CYP2D6: variants seen among roughly 807,000 people sequenced by gnomAD.
The protein encoded by CYP2D6 is cytochrome P450 family 2 subfamily D member 6 (gene/pseudogene), also known as cytochrome P450 2D6.
CYP2D6 carries 51 observed loss-of-function variants against 43.5 expected under a neutral mutation model. The ratio of observed to expected loss-of-function variants is 1.17; its 90% CI spans 0.94 to 1.48. The LOEUF is 1.48. CYP2D6 is among the 40% of genes most tolerant of loss of function. The pLI, the probability that CYP2D6 is intolerant of heterozygous loss-of-function variation, is 0.00. For missense variants in CYP2D6, 698 were observed against 688.0 expected (o/e 1.01, Z -0.16); for synonymous variants, 346 against 297.1 (o/e 1.16, Z -1.69).
chr22:42,130,032 C>T, intron 1 of CYP2D6, 123 bp from the exon 2 acceptor site: 1 of 1,043,948 alleles, frequency 9.6e-7, no homozygotes, highest in South Asian at 1.5e-5. Flanking sequence ...AAGGAGGAGA[C>T]CCAGCCTCCT....
At chr22:42,129,317 C>T (rs759535294) in intron 2 of CYP2D6, 132 bp from the exon 3 acceptor site, 11 of 1,194,840 alleles carry the variant, frequency 9.2e-6, no homozygotes, top group Non-Finnish European at 1.1e-5. Flanking sequence ...AGGGCCCACT[C>T]TTTGTGCATC....
At position 42,129,698 on chromosome 22, in the gene CYP2D6, G is replaced by C. The variant is rs746925186; in HGVS notation, c.352+40C>G. On this transcript the variant is annotated intron_variant, in intron 2 of 8. Coordinates refer to ENST00000645361, the MANE Select transcript of CYP2D6 (RefSeq NM_000106.6). ...TCGGACTACGGTCATCACCCACCCG[G>C]GTCCCACGGAAATCTGTCTCTGTCC... The C allele has an allele frequency of 5.0e-6, 8 of 1,606,804 alleles. 1 individual carries two copies. The East Asian group carries it at 1.1e-4, about 22-fold the overall frequency.
At position 42,129,076 on chromosome 22, in the gene CYP2D6, G is replaced by C. The variant is rs371673711; in HGVS notation, c.462C>G (p.Thr154=). The change falls in exon 3 of 9, where the codon ACC becomes ACG. Residue 154 remains threonine, a synonymous_variant. Coordinates refer to ENST00000645361, the MANE Select transcript of CYP2D6 (RefSeq NM_000106.6). ...LGKKSLEQWV[T]EEAACLCAAF... is the part of the protein sequence containing the mutation. ...CGGCACAAAGGCAGGCGGCCTCCTC[G>C]GTCACCCACTGCTCCAGCGACTTCT... The C allele has an allele frequency of 2.5e-6, 4 of 1,609,132 alleles. No individual in the cohort carries two copies. Among genetic ancestry groups the C allele is most frequent in the Non-Finnish European group, 3.4e-6 (4 of 1,177,500 alleles).
rs1184611893 is a variant in CYP2D6 at position 42,128,125 on chromosome 22, G to A, written c.843+49C>T. ...GCCCAGCCTCCCCTCATTCCTCCTG[G>A]GACGCTCAACCCACCACCCTTGCCC... On this transcript the variant is annotated intron_variant, in intron 5 of 8. Coordinates refer to ENST00000645361, the MANE Select transcript of CYP2D6 (RefSeq NM_000106.6). 30 of 1,579,948 alleles carry A rather than the reference G, an allele frequency of 1.9e-5. 4 individuals are homozygous for A. Among genetic ancestry groups the A allele is most frequent in the Non-Finnish European group, 2.6e-5 (30 of 1,159,992 alleles).
chr22:42,128,600 CA>C (rs1931389921), intron 4 of CYP2D6, among the ~76,000 whole-genome samples, 183 bp downstream of exon 4: 2 of 151,126 alleles, frequency 1.3e-5, no homozygotes, highest in East Asian at 3.9e-4. Flanking sequence ...GACCCGGGCA[CA>C]CCTCTCCCAC....
intron 1 of CYP2D6, 23 bp downstream of exon 1, chr22:42,130,589 C>T: frequency 1.9e-6 from 3 of 1,543,362 alleles, no homozygotes; most frequent in Non-Finnish European, 2.6e-6. Context: ...ACCTCTGCCG[C>T]CCTCCAGGAC....
chr22:42,130,563 G>A (rs1357352682), intron 1 of CYP2D6, 49 bp downstream of exon 1: 3 of 1,316,934 alleles, frequency 2.3e-6, no homozygotes, highest in East Asian at 2.4e-5. Flanking sequence ...TTTGCTTCTG[G>A]TAGGGGAGCC....
chr22:42,130,442 T>A (rs1377626351), intron 1 of CYP2D6, 170 bp downstream of exon 1: 2 of 815,470 alleles, frequency 2.5e-6, no homozygotes, highest in Admixed American at 4.2e-5. Flanking sequence ...CTTTGGAAAA[T>A]CCAGTCCTTC....
chr22:42,127,818 G>A (rs772490933), intron 6 of CYP2D6, 24 bp downstream of exon 6: 98 of 1,609,534 alleles, frequency 6.1e-5, no homozygotes, highest in Non-Finnish European at 7.2e-5. Context: ...CTCGGCCCCT[G>A]CACTGTTTCC....
At chr22:42,127,269 ATGGACAGGCCAGCCCTGCCTATACTC>A (rs1425556746) in intron 7 of CYP2D6, among the ~76,000 whole-genome samples, 152 bp downstream of exon 7, 111 of 151,144 alleles carry the variant, frequency 7.3e-4, no homozygotes, top group African/African-American at 2.7e-3. Flanking sequence ...GGGGCTCTGG[ATGGACAGGCCAGCCCTGCCTATACTC>A]TGGACCCCCC....
In CYP2D6 at chr22:42,128,925, G is replaced by T. The variant is rs376162737; in HGVS notation, c.525C>A (p.Asn175Lys). Reference protein sequence around the residue: ...ANHSGRPFRPNGLLDKAVSNV... With the variant: ...ANHSGRPFRPKGLLDKAVSNV... Reference sequence around the variant, plus strand: ...TGCTCACGGCTTTGTCCAAGAGACCGTTGGGGCGAAAGGGGCGTCCTGGGG... The same window carrying T: ...TGCTCACGGCTTTGTCCAAGAGACCTTTGGGGCGAAAGGGGCGTCCTGGGG... Residue 175 changes from asparagine (N) to lysine (K), a missense_variant, in exon 4 of 9, where the codon AAC (asparagine) becomes AAA (lysine). By Grantham distance (94) the Asn-to-Lys change is moderately conservative (BLOSUM62 0). Transcript: ENST00000645361. 6.3e-7 allele frequency: 1 copy of T among 1,591,574 alleles called. No individual in the cohort carries two copies. Among genetic ancestry groups the T allele is most frequent in the Non-Finnish European group, 8.6e-7 (1 of 1,169,400 alleles).
intron 6 of CYP2D6, 84 bp downstream of exon 6, chr22:42,127,758 C>T (rs539070953): frequency 2.5e-6 from 4 of 1,573,884 alleles, no homozygotes; most frequent in South Asian, 2.2e-5. Flanking sequence ...GTGCTTGGAG[C>T]CCCGGGTGTC....
rs76088846 is a variant in CYP2D6 at position 42,127,589 on chromosome 22, C to T, written c.1031G>A (p.Arg344Gln). Residue 344 changes from arginine (R) to glutamine (Q), a missense_variant, in exon 7 of 9, where the codon CGA becomes CAA. Transcript: ENST00000645361. ...EIDDVIGQVR[R>Q]PEMGDQAHMP... is the part of the protein sequence containing the mutation. The stretch of plus-strand genomic sequence containing the variant: ...GTGAGCCTGGTCACCCATCTCTGGT[C>T]GCCGCACCTGCCCTATCACGTCGTC... The T allele has an allele frequency of 2.9e-5, 46 of 1,611,894 alleles. No individual in the cohort carries two copies. The highest frequency in any genetic ancestry group is 1.1e-4 in the East Asian group (5 of 44,778).
At chr22:42,128,093 ACCTTTTGCCCAG>A in intron 5 of CYP2D6, 69 bp downstream of exon 5, 1 of 1,585,010 alleles carries the variant, frequency 6.3e-7, no homozygotes, top group Non-Finnish European at 8.6e-7. Context: ...CACTGGTCCA[ACCTTTTGCCCAG>A]CCTCCCCTCA....
At position 42,127,739 on chromosome 22, in the gene CYP2D6, G is replaced by A. The variant is rs760733463; in HGVS notation, c.985+103C>T. ...AGGAGGTCAGGCTTACAGGATCCTG[G>A]TCAAGCCTGTGCTTGGAGCCCCGGG... On this transcript the variant is annotated intron_variant, in intron 6 of 8. Transcript: ENST00000645361. 32 of 1,570,350 alleles carry A rather than the reference G, an allele frequency of 2.0e-5. 2 individuals carry two copies. Among genetic ancestry groups the A allele is most frequent in the Middle Eastern group, 3.3e-4 (2 of 6,008 alleles).
At chr22:42,130,305 C>A in intron 1 of CYP2D6, 4 of 536,284 alleles carry the variant, frequency 7.5e-6, no homozygotes, top group Non-Finnish European at 1.3e-5. Flanking sequence ...CTTCCATTCC[C>A]AAGGCCTTTC....
rs1569024725 is a variant in CYP2D6 at position 42,128,901 on chromosome 22, G to T, written c.549C>A (p.Ser183Arg). The change falls in exon 4 of 9, where the codon AGC becomes AGA. Residue 183 changes from serine (S) to arginine (R), a missense_variant. By Grantham distance (110) the Ser-to-Arg change is moderately radical. This residue lies in a region of CYP2D6 where 588 missense variants were observed against 521.1 expected (regional missense o/e 1.13). Coordinates refer to ENST00000645361, the MANE Select transcript of CYP2D6 (RefSeq NM_000106.6). ...RPNGLLDKAVSNVIASLTCGR... is the reference protein window; with the variant it reads ...RPNGLLDKAVRNVIASLTCGR... ...CGCAGGTGAGGGAGGCGATCACGTT[G>T]CTCACGGCTTTGTCCAAGAGACCGT... The T allele has an allele frequency of 1.3e-6, 2 of 1,595,092 alleles. No individual in the cohort carries two copies. Among genetic ancestry groups the T allele is most frequent in the Admixed American group, 1.8e-5 (1 of 56,884 alleles).
At position 42,126,628 on chromosome 22, in the gene CYP2D6, G is replaced by A. The variant is rs2146928213; in HGVS notation, c.1440C>T (p.Val480=). Residue 480 remains valine, a synonymous_variant, in exon 9 of 9, where the codon GTC becomes GTT. Coordinates refer to ENST00000645361, the MANE Select transcript of CYP2D6 (RefSeq NM_000106.6). ...GGGATGGGCTCACCAGGAAAGCAAA[G>A]ACACCATGGTGGCTGGGCCGGGGCT... is the stretch of plus-strand genomic sequence containing the variant. ...TGQPRPSHHG[V]FAFLVSPSPY... 6.2e-7 allele frequency: 1 copy of A among 1,609,046 alleles called. No individual in the cohort carries two copies. Among genetic ancestry groups the A allele is most frequent in the South Asian group, 1.1e-5 (1 of 90,706 alleles).
intron 2 of CYP2D6, 77 bp from the exon 3 acceptor site, chr22:42,129,262 C>T (rs1931600758): frequency 2.6e-6 from 4 of 1,531,480 alleles, no homozygotes; most frequent in Non-Finnish European, 3.6e-6. Context: ...CAACCCTATG[C>T]TCCCCCTGGT....
Sources: allele counts gnomAD v4.1 joint callset (sites outside exome capture counted in the v4.1 genomes callset), GRCh38; gene constraint gnomAD v4.1.1; regional missense constraint gnomAD v4.1.1; transcripts MANE v1.5; gene names NCBI Gene and HGNC (gene_info 2026-07-23, HGNC 2026-07-21).